Variants in TRAM2 observed in about 807,000 individuals in gnomAD.
TRAM2 encodes translocation associated membrane protein 2.
Under a neutral mutation model 51.0 loss-of-function variants are expected in TRAM2, and 12 were observed. The observed-to-expected ratio is 0.24, with a 90% confidence interval of 0.15 to 0.38. TRAM2 has a LOEUF of 0.38. TRAM2 is among the 10% of genes least tolerant of loss of function. The pLI, the probability that TRAM2 is intolerant of heterozygous loss-of-function variation, is 1.00. For synonymous variants in TRAM2, 175 were observed against 179.4 expected (o/e 0.98, Z 0.20); for missense variants, 361 against 462.0 (o/e 0.78, Z 2.00).
chr6:52,508,831 T>C (rs868719839), intron 5 of TRAM2, among the ~76,000 whole-genome samples: 10 of 151,970 alleles, frequency 6.6e-5, no homozygotes, highest in Admixed American at 3.3e-4. Context: ...GTCAGGAGTT[T>C]GAGACCAGCC....
At chr6:52,572,559 C>T (rs1238448488) in intron 1 of TRAM2, among the ~76,000 whole-genome samples, 1 of 152,186 alleles carries the variant, frequency 6.6e-6, no homozygotes, top group African/African-American at 2.4e-5. Flanking sequence ...GCTGAGATTG[C>T]ACCACTGCAC....
rs1027669473 is a variant in TRAM2, at chr6:52,576,082, GGA to G, written c.120+712_120+713del. Among the ~76,000 whole-genome samples the G allele has an allele frequency of 6.1e-4, 93 of 152,294 alleles. 1 individual carries two copies. Among genetic ancestry groups the G allele is most frequent in the Non-Finnish European group, 6.9e-4 (47 of 68,032 alleles). On this transcript the variant is annotated intron_variant, in intron 1 of 10. Transcript: ENST00000182527. ...AGAGAATCAACTTTCCCCAAAAAGTGGAGGGTATCCCTGTCTCTCTTCTTGTC... is the reference window on the plus strand; with the variant it reads ...AGAGAATCAACTTTCCCCAAAAAGTGGGGTATCCCTGTCTCTCTTCTTGTC...
chr6:52,540,639 C>T (rs1479094535), intron 1 of TRAM2, among the ~76,000 whole-genome samples: 1 of 152,234 alleles, frequency 6.6e-6, no homozygotes, highest in South Asian at 2.1e-4. Context: ...CGACCTCAGA[C>T]TAGGGATGAA....
At chr6:52,570,806 C>CCCT (rs1554267142) in intron 1 of TRAM2, among the ~76,000 whole-genome samples, 3 of 132,642 alleles carry the variant, frequency 2.3e-5, no homozygotes, top group African/African-American at 8.6e-5. Context: ...CCCCCCCCCC[C>CCCT]ACACGCACAC....
At chr6:52,511,628 G>A (rs1183816892) in intron 4 of TRAM2, among the ~76,000 whole-genome samples, 1 of 152,150 alleles carries the variant, frequency 6.6e-6, no homozygotes, top group African/African-American at 2.4e-5. Flanking sequence ...TTGTCTATTA[G>A]GATCTTTAGT....
intron 1 of TRAM2, among the ~76,000 whole-genome samples, chr6:52,548,962 T>C (rs543504370): frequency 6.6e-6 from 1 of 152,212 alleles, no homozygotes; most frequent in Non-Finnish European, 1.5e-5. Flanking sequence ...AGAAGATTTC[T>C]GCGAGGCGGT....
At chr6:52,514,376 T>C (rs1008657794) in intron 4 of TRAM2, among the ~76,000 whole-genome samples, 1 of 152,174 alleles carries the variant, frequency 6.6e-6, no homozygotes, top group African/African-American at 2.4e-5. Context: ...TCAAATGTTG[T>C]TAGGAAGAGT....
intron 1 of TRAM2, among the ~76,000 whole-genome samples, chr6:52,551,504 T>A (rs556882647): frequency 3.3e-5 from 5 of 151,916 alleles, no homozygotes; most frequent in African/African-American, 1.2e-4. Flanking sequence ...GGAGGGTGAA[T>A]GAGGGAGGAG....
chr6:52,560,875 C>T (rs1350370377), intron 1 of TRAM2, among the ~76,000 whole-genome samples: 2 of 152,104 alleles, frequency 1.3e-5, no homozygotes, highest in Non-Finnish European at 2.9e-5. Flanking sequence ...AATTAATGAC[C>T]CAGCAATTCC....
chr6:52,503,113 AAGG>A lies in TRAM2; in HGVS notation c.*81_*83del. ...TTTGAGACGGAGCATCACAGGCAGG[AAGG>A]AGGAGGCAGGGAGGGGGCCTGGGCT... On this transcript the variant is annotated 3_prime_UTR_variant, in exon 11 of 11. Transcript: ENST00000182527. 2 of 1,149,314 alleles carry A rather than the reference AAGG, an allele frequency of 1.7e-6. No individual in the cohort carries two copies. Among genetic ancestry groups the A allele is most frequent in the East Asian group, 2.3e-5 (1 of 42,710 alleles). 71.2% of individuals were successfully genotyped at this position (1,149,314 alleles called of 1,614,324 possible).
chr6:52,568,044 C>T (rs777353667), intron 1 of TRAM2, among the ~76,000 whole-genome samples: 14 of 152,204 alleles, frequency 9.2e-5, no homozygotes, highest in African/African-American at 2.2e-4. Flanking sequence ...ACAACCAGGC[C>T]GCCGGACATT....
In TRAM2 at chr6:52,576,850, A is replaced by G. The variant is rs1240870080; in HGVS notation, c.66T>C (p.His22=). The G allele has an allele frequency of 6.2e-7, 1 of 1,613,340 alleles. No individual in the cohort carries two copies. The highest frequency in any genetic ancestry group is 1.3e-5 in the African/African-American group (1 of 74,890). Reference sequence around the variant, plus strand: ...GCACCAGGCAGAAGCCGATGTCCGCATGGTTGTGGATGACGAACTCCTGGC... The same window carrying G: ...GCACCAGGCAGAAGCCGATGTCCGCGTGGTTGTGGATGACGAACTCCTGGC... ...LFSQEFVIHN[H]ADIGFCLVLC... Residue 22 remains histidine, a synonymous_variant, in exon 1 of 11, where the codon CAT becomes CAC. Transcript: ENST00000182527.
At chr6:52,556,236 G>A (rs1019673264) in intron 1 of TRAM2, among the ~76,000 whole-genome samples, 18 of 151,888 alleles carry the variant, frequency 1.2e-4, no homozygotes, top group Non-Finnish European at 1.9e-4. Flanking sequence ...AGAGGTCACC[G>A]AGAAGCCCTC....
chr6:52,549,457 T>C (rs1334500968), intron 1 of TRAM2, among the ~76,000 whole-genome samples: 11 of 152,192 alleles, frequency 7.2e-5, no homozygotes, highest in Non-Finnish European at 1.6e-4. Flanking sequence ...TAACATAAAA[T>C]TTGAAAGTCT....
At chr6:52,505,306 A>G (rs866364375) in intron 9 of TRAM2, among the ~76,000 whole-genome samples, 1 of 152,220 alleles carries the variant, frequency 6.6e-6, no homozygotes, top group South Asian at 2.1e-4. Flanking sequence ...GAGGAGAATG[A>G]TATCAACTGA....
chr6:52,573,272 G>A (rs1287170306), intron 1 of TRAM2, among the ~76,000 whole-genome samples: 1 of 152,052 alleles, frequency 6.6e-6, no homozygotes, highest in Non-Finnish European at 1.5e-5. Flanking sequence ...AGGGGGAGGA[G>A]GCTACTTTCA....
chr6:52,510,968 G>A (rs1766441280), intron 4 of TRAM2, among the ~76,000 whole-genome samples: 1 of 152,174 alleles, frequency 6.6e-6, no homozygotes, highest in African/African-American at 2.4e-5. Context: ...TGAATGCTTT[G>A]GGCAATTTCT....
chr6:52,519,456 A>G (rs1019865359), intron 2 of TRAM2, among the ~76,000 whole-genome samples: 1 of 152,256 alleles, frequency 6.6e-6, no homozygotes, highest in African/African-American at 2.4e-5. Flanking sequence ...GACGGTTACA[A>G]TGAGGAAAAA....
At chr6:52,549,264 T>TTCCC (rs372321176) in intron 1 of TRAM2, among the ~76,000 whole-genome samples, 239 of 137,872 alleles carry the variant, frequency 1.7e-3, no homozygotes, top group African/African-American at 6.3e-3. Context: ...CCTTCCCTCC[T>TTCCC]TCCCTCCCTC....
Sources: allele counts gnomAD v4.1 joint callset (sites outside exome capture counted in the v4.1 genomes callset), GRCh38; gene constraint gnomAD v4.1.1; transcripts MANE v1.5; gene names NCBI Gene and HGNC (gene_info 2026-07-23, HGNC 2026-07-21).